Variants in XKRX observed in about 807,000 individuals in gnomAD.
The protein encoded by XKRX is XK-related protein 2.
In XKRX, 11 loss-of-function variants were observed where a neutral mutation model predicts 22.4. The ratio of observed to expected loss-of-function variants is 0.49; its 90% CI spans 0.31 to 0.81. The LOEUF (loss-of-function observed/expected upper bound fraction) is 0.81. Ranked by LOEUF, XKRX falls within the 40% of genes least tolerant of loss-of-function variation. XKRX has a pLI of 0.05. For synonymous variants in XKRX, 114 were observed against 132.2 expected, an observed-to-expected ratio of 0.86 and a Z score of 0.94; for missense variants, 320 against 336.5, an observed-to-expected ratio of 0.95 and a Z score of 0.38.
At chrX:100,892,578 G>A in the XKRX span, among the ~76,000 whole-genome samples, 3 of 112,628 alleles carry the variant, frequency 2.7e-5, no homozygotes, top group Non-Finnish European at 5.6e-5. Flanking sequence ...AAAAAATAAT[G>A]TCCACCATCG....
At chrX:100,953,769 G>A in the XKRX span, among the ~76,000 whole-genome samples, 1 of 108,697 alleles carries the variant, frequency 9.2e-6, no homozygotes, top group Admixed American at 9.9e-5. Flanking sequence ...ATTAGCTAGG[G>A]GTGGTGGCAT....
chrX:100,912,150 T>C (rs12559230), downstream of XKRX, among the ~76,000 whole-genome samples: 105 of 112,026 alleles, frequency 9.4e-4, no homozygotes, highest in Middle Eastern at 0.023. Flanking sequence ...ACAGTGACTA[T>C]TGGGGAGAAA....
chrX:100,939,481 G>A, the XKRX span, among the ~76,000 whole-genome samples: 90 of 111,965 alleles, frequency 8.0e-4, 1 homozygote, highest in African/African-American at 2.9e-3. Flanking sequence ...TGACTTGCAG[G>A]TGCATCTTGA....
chrX:100,917,722 G>GAAAGAAAGAAAGAAAGAA (rs772047288), intron 2 of XKRX, among the ~76,000 whole-genome samples: 3 of 74,989 alleles, frequency 4.0e-5, no homozygotes, highest in African/African-American at 1.1e-4. Flanking sequence ...AAGAAAGAAA[G>GAAAGAAAGAAAGAAAGAA]AAATCCTTGG....
In XKRX at chrX:100,928,449, A is replaced by T; in HGVS notation, c.-145T>A. On this transcript the variant is annotated 5_prime_UTR_variant, in exon 1 of 3. Transcript: ENST00000372956. The stretch of plus-strand genomic sequence containing the variant: ...GTTTGGGAACAGAGATTCACTAGTT[A>T]GAGCAAGAAACCGCTCTCTTCTAGA... 10 of 1,133,535 alleles carry T rather than the reference A, an allele frequency of 8.8e-6. No individual in the cohort carries two copies. The highest frequency in any genetic ancestry group is 9.3e-6 in the Non-Finnish European group (8 of 861,286). The allele number at this position is 1,133,535 out of a possible 1,213,427, so 93.4% of individuals were successfully genotyped here.
chrX:100,935,809 T>C, the XKRX span, among the ~76,000 whole-genome samples: 1 of 112,385 alleles, frequency 8.9e-6, no homozygotes, highest in Non-Finnish European at 1.9e-5. Context: ...TCTAATTCCA[T>C]CTTAGTATCT....
At chrX:100,910,728 T>C (rs773176153), downstream of XKRX, 1 of 654,393 alleles carries the variant, frequency 1.5e-6, no homozygotes. Flanking sequence ...AGAACGAATA[T>C]ATTGAATTAC....
chrX:100,929,946 A>G (rs555419835), upstream of XKRX, among the ~76,000 whole-genome samples: 21 of 111,490 alleles, frequency 1.9e-4, no homozygotes, highest in South Asian at 7.6e-3. Context: ...CTTCATTTGC[A>G]TAATTCTAAA....
At chrX:100,907,984 T>C in the XKRX span, among the ~76,000 whole-genome samples, 2 of 112,029 alleles carry the variant, frequency 1.8e-5, no homozygotes, top group Admixed American at 9.5e-5. Context: ...GTTAAAACAA[T>C]GCAAATCCAT....
chrX:100,927,776 A>G (rs1204487270), intron 1 of XKRX, among the ~76,000 whole-genome samples, 194 bp downstream of exon 1: 4 of 112,456 alleles, frequency 3.6e-5, no homozygotes, highest in Non-Finnish European at 7.5e-5. Flanking sequence ...ACACAAGTAC[A>G]TACCACATGT....
chrX:100,921,822 C>T (rs2085473538), intron 2 of XKRX, among the ~76,000 whole-genome samples: 1 of 96,234 alleles, frequency 1.0e-5, no homozygotes, highest in South Asian at 4.8e-4. Flanking sequence ...ATTAACCCCA[C>T]GCTTTTTTTT....
chrX:100,927,648 A>C (rs963415364), intron 1 of XKRX, among the ~76,000 whole-genome samples: 6 of 111,071 alleles, frequency 5.4e-5, no homozygotes, highest in Non-Finnish European at 1.1e-4. Flanking sequence ...CAGAAAAAAA[A>C]AATTTTTTAA....
rs755431989 is a variant in XKRX at position 100,915,004 on chromosome X, G to A, written c.684C>T (p.Tyr228=). The A allele has an allele frequency of 9.1e-6, 11 of 1,209,886 alleles. No individual in the cohort carries two copies. The highest frequency in any genetic ancestry group is 5.3e-5 in the South Asian group (3 of 56,811). The part of the protein sequence containing the change: ...LCNMLAIQIK[Y]DDYKIRLGPL... ...GCCCAAGGCGAATCTTGTAGTCATCGTACTTGATCTGGATAGCCAACATAT... is the reference window on the plus strand; with the variant it reads ...GCCCAAGGCGAATCTTGTAGTCATCATACTTGATCTGGATAGCCAACATAT... The change falls in exon 3 of 3, where the codon TAC becomes TAT. Residue 228 remains tyrosine, a synonymous_variant. Coordinates refer to ENST00000372956, the MANE Select transcript of XKRX (RefSeq NM_212559.3).
the XKRX span, among the ~76,000 whole-genome samples, chrX:100,941,386 TA>T: frequency 9.0e-6 from 1 of 110,952 alleles, no homozygotes; most frequent in Non-Finnish European, 1.9e-5. Flanking sequence ...CCGTCTCTAT[TA>T]AAAATACAAA....
intron 2 of XKRX, among the ~76,000 whole-genome samples, chrX:100,917,647 AAG>A (rs2085445804): frequency 3.0e-5 from 2 of 66,418 alleles, no homozygotes; most frequent in South Asian, 1.8e-3. Context: ...GAAAGAAAGA[AAG>A]AAAGAAAGAA....
At chrX:100,899,102 G>C in the XKRX span, among the ~76,000 whole-genome samples, 2 of 112,323 alleles carry the variant, frequency 1.8e-5, no homozygotes, top group Admixed American at 1.9e-4. Context: ...AACATGCAAA[G>C]AAACAAGAAA....
At chrX:100,954,306 C>G in the XKRX span, among the ~76,000 whole-genome samples, 368 of 110,533 alleles carry the variant, frequency 3.3e-3, 2 homozygotes, top group African/African-American at 0.012. Flanking sequence ...GTAATCACAG[C>G]TACTTGGGAG....
the XKRX span, among the ~76,000 whole-genome samples, chrX:100,899,289 C>T: frequency 5.3e-5 from 6 of 112,779 alleles, no homozygotes; most frequent in South Asian, 3.6e-4. Flanking sequence ...CCAAGGCAGG[C>T]GGATCACTTG....
chrX:100,922,948 A>G lies in XKRX; in HGVS notation c.449T>C (p.Ile150Thr). 1 of 1,211,570 alleles carries G rather than the reference A, an allele frequency of 8.3e-7. No individual in the cohort carries two copies. The highest frequency in any genetic ancestry group is 1.1e-6 in the Non-Finnish European group (1 of 895,457). The change falls in exon 2 of 3, where the codon ATA becomes ACA. Residue 150 changes from isoleucine to threonine, a missense_variant. Coordinates refer to ENST00000372956, the MANE Select transcript of XKRX (RefSeq NM_212559.3). ...GATGGAGTGGCCCACCTCCCATTCTATCAGCACCTCCTCGCCATCTATTAG... is the reference window on the plus strand; with the variant it reads ...GATGGAGTGGCCCACCTCCCATTCTGTCAGCACCTCCTCGCCATCTATTAG... ...KMLIDGEEVL[I>T]EWEVGHSIRT...
Sources: gnomAD v4.1 joint callset for allele counts (sites outside exome capture counted in the v4.1 genomes callset) on GRCh38, gnomAD v4.1.1 for gene constraint, MANE v1.5 for transcripts, NCBI Gene and HGNC (gene_info 2026-07-23, HGNC 2026-07-21) for gene names.